Variants in ZMYM2 observed in about 807,000 individuals in gnomAD.
ZMYM2 encodes the protein zinc finger MYM-type containing 2.
ZMYM2 carries 56 observed loss-of-function variants against 162.8 expected under a neutral mutation model. The observed-to-expected ratio is 0.34, with a 90% confidence interval of 0.28 to 0.43. ZMYM2 has a LOEUF of 0.43. Among genes scored for constraint, ZMYM2 ranks in the 20% least tolerant of loss-of-function variants. The pLI is 1.00. For synonymous variants in ZMYM2, 510 were observed against 541.6 expected (o/e 0.94, Z 0.81); for missense variants, 1,275 against 1,621.8 (o/e 0.79, Z 3.67).
the ZMYM2 span, among the ~76,000 whole-genome samples, chr13:19,911,496 G>A: frequency 6.6e-6 from 1 of 152,130 alleles, no homozygotes; most frequent in African/African-American, 2.4e-5. Flanking sequence ...CTTTCCCGAA[G>A]GGACCTTTAG....
At chr13:19,941,711 G>C in the ZMYM2 span, among the ~76,000 whole-genome samples, 1 of 141,028 alleles carries the variant, frequency 7.1e-6, no homozygotes. Flanking sequence ...CCGGGCAAAT[G>C]GCTTTCTGCT....
chr13:20,036,975 T>G, intron 12 of ZMYM2, 66 bp downstream of exon 12: 1 of 1,404,748 alleles, frequency 7.1e-7, no homozygotes, highest in South Asian at 1.7e-5. Context: ...GCTGTTACCA[T>G]TACAAATCTG....
chr13:19,950,498 G>C, the ZMYM2 span, among the ~76,000 whole-genome samples: 1 of 152,182 alleles, frequency 6.6e-6, no homozygotes, highest in African/African-American at 2.4e-5. Context: ...GCCAGTCATA[G>C]GCGGCCAGCT....
At chr13:19,926,109 C>T in the ZMYM2 span, among the ~76,000 whole-genome samples, 4 of 150,922 alleles carry the variant, frequency 2.7e-5, no homozygotes, top group East Asian at 4.1e-4. Context: ...TACAGGTGCC[C>T]GTCACCAAGC....
chr13:19,956,595 CTGAA>C (rs1416823118), upstream of ZMYM2, among the ~76,000 whole-genome samples: 1 of 152,116 alleles, frequency 6.6e-6, no homozygotes, highest in African/African-American at 2.4e-5. Context: ...ACAGATGTAC[CTGAA>C]TGAATTTAAA....
the ZMYM2 span, among the ~76,000 whole-genome samples, chr13:19,885,889 A>ACACACATATGTGTGTATACACACATATG: frequency 3.0e-5 from 1 of 33,278 alleles, no homozygotes; most frequent in Admixed American, 4.4e-4. Context: ...ACACATATAT[A>ACACACATATGTGTGTATACACACATATG]TGTGTATACA....
chr13:20,036,664 A>T, intron 11 of ZMYM2, 73 bp from the exon 12 acceptor site: 1 of 1,255,370 alleles, frequency 8.0e-7, no homozygotes, highest in Non-Finnish European at 1.0e-6. Context: ...TTGACCAATT[A>T]AGATCTGTCT....
the ZMYM2 span, among the ~76,000 whole-genome samples, chr13:19,870,342 T>TGG: frequency 6.6e-6 from 1 of 151,984 alleles, no homozygotes; most frequent in Admixed American, 6.6e-5. Flanking sequence ...TTTTTGTAGT[T>TGG]GCCCAGGCTG....
At chr13:19,959,078 G>A (rs1298864006) in intron 1 of ZMYM2, among the ~76,000 whole-genome samples, 1 of 151,316 alleles carries the variant, frequency 6.6e-6, no homozygotes. Context: ...CATGTCACAG[G>A]CGCCTTTGCG....
At chr13:20,011,250 T>C (rs117756816) in intron 6 of ZMYM2, among the ~76,000 whole-genome samples, 45 of 152,348 alleles carry the variant, frequency 3.0e-4, no homozygotes, top group Non-Finnish European at 5.4e-4. Flanking sequence ...TTATATCTTG[T>C]ACAGTTTGAG....
At chr13:19,913,500 G>A in the ZMYM2 span, among the ~76,000 whole-genome samples, 5 of 152,050 alleles carry the variant, frequency 3.3e-5, no homozygotes, top group Non-Finnish European at 5.9e-5. Flanking sequence ...CAAGGTGGGC[G>A]GATCACTTGA....
rs1182401288 is a variant in ZMYM2, at chr13:20,031,344, A to G, written c.1877A>G (p.Asn626Ser). The G allele has an allele frequency of 5.0e-6, 8 of 1,608,820 alleles. No homozygotes were observed. In the Admixed American group the frequency reaches 1.2e-4, roughly 24 times the overall value. ...GCTCTAAGTATGCAGTCATCTCCAA[A>G]TGGCCAGTTTGTAGCGCCAAGTGAT... The part of the protein sequence containing the change: ...FQALSMQSSP[N>S]GQFVAPSDIQ... Residue 626 changes from asparagine to serine, a missense_variant, in exon 10 of 25, where the codon AAT becomes AGT. Transcript: ENST00000610343.
chr13:20,046,639 A>G (rs866562438), intron 12 of ZMYM2, among the ~76,000 whole-genome samples: 7 of 140,526 alleles, frequency 5.0e-5, no homozygotes, highest in East Asian at 2.1e-4. Context: ...GTGTATATAT[A>G]TGTGTACATA....
chr13:19,957,442 T>C (rs1375023707), upstream of ZMYM2, among the ~76,000 whole-genome samples: 2 of 152,228 alleles, frequency 1.3e-5, no homozygotes, highest in Non-Finnish European at 2.9e-5. Context: ...ATCGCTTCCA[T>C]CTTTACGTGA....
At position 20,046,839 on chromosome 13, in the gene ZMYM2, A is replaced by G. The variant is rs530379417; in HGVS notation, c.2293-4594A>G. ...TTGCTATGTTTTTTAAAAGATAGTTATTTCTGTTTTCATTTATGCAGAATT... is the reference window on the plus strand; with the variant it reads ...TTGCTATGTTTTTTAAAAGATAGTTGTTTCTGTTTTCATTTATGCAGAATT... On this transcript the variant is annotated intron_variant, in intron 12 of 24. Transcript: ENST00000610343. 1.9e-3 allele frequency among the ~76,000 whole-genome samples: 284 copies of G among 151,864 alleles called. 1 individual carries two copies. Among genetic ancestry groups the G allele is most frequent in the African/African-American group, 6.6e-3 (272 of 41,468 alleles).
chr13:19,982,625 G>A (rs1402051202), intron 2 of ZMYM2, among the ~76,000 whole-genome samples: 1 of 152,126 alleles, frequency 6.6e-6, no homozygotes, highest in Non-Finnish European at 1.5e-5. Context: ...AGTAATTGCA[G>A]TTTTTGCCAT....
At chr13:20,060,103 G>A (rs1243197297) in intron 16 of ZMYM2, among the ~76,000 whole-genome samples, 1 of 152,140 alleles carries the variant, frequency 6.6e-6, no homozygotes. Context: ...TAGGGGTGTG[G>A]AACTTGAGTA....
the ZMYM2 span, among the ~76,000 whole-genome samples, chr13:19,930,268 G>C: frequency 6.6e-6 from 1 of 151,990 alleles, no homozygotes; most frequent in African/African-American, 2.4e-5. Flanking sequence ...GGGCATGGTG[G>C]TGAACACCTG....
rs1957754259 is a variant in ZMYM2 at position 20,079,345 on chromosome 13, G to GAAAAAA, written c.3454-2670_3454-2669insAAAAAA. On this transcript the variant is annotated intron_variant, in intron 21 of 24. Coordinates refer to ENST00000610343, the MANE Select transcript of ZMYM2 (RefSeq NM_197968.4). ...AAAAAAAAAAAAAAAAAAAAAAAAG[G>GAAAAAA]ATACTTAATGAATTCAAATCCCATA... 3.7e-4 allele frequency among the ~76,000 whole-genome samples: 7 copies of GAAAAAA among 19,140 alleles called. 1 individual carries two copies. Among genetic ancestry groups the GAAAAAA allele is most frequent in the East Asian group, 1.7e-3 (1 of 574 alleles). 12.6% of individuals were successfully genotyped at this position (19,140 alleles called of 152,430 possible).
Sources: gnomAD v4.1 joint callset for allele counts (sites outside exome capture counted in the v4.1 genomes callset) on GRCh38, gnomAD v4.1.1 for gene constraint, MANE v1.5 for transcripts, NCBI Gene and HGNC (gene_info 2026-07-23, HGNC 2026-07-21) for gene names.